Variants in TBCA observed in about 807,000 individuals in gnomAD.
TBCA encodes tubulin-specific chaperone A.
TBCA carries 6 observed loss-of-function variants against 15.8 expected under a neutral mutation model. The observed-to-expected ratio is 0.38, with a 90% CI of 0.21 to 0.75. The LOEUF (loss-of-function observed/expected upper bound fraction) is 0.75, where lower values mean the gene tolerates loss of function less well. Ranked by LOEUF, TBCA falls within the 30% of genes least tolerant of loss-of-function variation. The pLI is 0.46. For synonymous variants in TBCA, 32 were observed against 42.3 expected (o/e 0.76, Z 0.94); for missense variants, 90 against 131.2 (o/e 0.69, Z 1.53).
chr5:77,768,225 G>C (rs1011029552), intron 1 of TBCA, among the ~76,000 whole-genome samples: 1 of 152,136 alleles, frequency 6.6e-6, no homozygotes, highest in South Asian at 2.1e-4. Flanking sequence ...ATAATAATGA[G>C]AGCAGTTAGC....
At chr5:77,698,083 G>A (rs1009961790) in intron 2 of TBCA, among the ~76,000 whole-genome samples, 3 of 151,406 alleles carry the variant, frequency 2.0e-5, no homozygotes, top group African/African-American at 7.3e-5. Context: ...TCACACCACT[G>A]CACTCCAGCC....
At chr5:77,707,955 C>G (rs1746186631) in intron 2 of TBCA, among the ~76,000 whole-genome samples, 1 of 152,004 alleles carries the variant, frequency 6.6e-6, no homozygotes, top group African/African-American at 2.4e-5. Flanking sequence ...GAGGTCAAGG[C>G]TGCAATGAGC....
rs1748030746 is a variant in TBCA at position 77,776,325 on chromosome 5, G to C, written c.-68C>G. 2.0e-6 allele frequency: 3 copies of C among 1,538,044 alleles called. No homozygotes were observed. The highest frequency in any genetic ancestry group is 2.6e-6 in the Non-Finnish European group (3 of 1,137,266). On this transcript the variant is annotated 5_prime_UTR_variant, in exon 1 of 4. Coordinates refer to ENST00000380377, the MANE Select transcript of TBCA (RefSeq NM_004607.3). Reference sequence around the variant, plus strand: ...TAACCGTGGAGGGCGACGCGCAGAGGCTGCGGCTATTTAGGCGTGGTCGCC... The same window carrying C: ...TAACCGTGGAGGGCGACGCGCAGAGCCTGCGGCTATTTAGGCGTGGTCGCC...
intron 1 of TBCA, among the ~76,000 whole-genome samples, chr5:77,734,751 T>C (rs1746857837): frequency 6.6e-6 from 1 of 152,214 alleles, no homozygotes; most frequent in Non-Finnish European, 1.5e-5. Flanking sequence ...AGTAAAAGGT[T>C]ATCAAACAGC....
intron 2 of TBCA, chr5:77,694,148 C>G (rs1467367323): frequency 6.6e-6 from 1 of 152,136 alleles, no homozygotes; most frequent in South Asian, 2.1e-4. Flanking sequence ...GTGCACACTG[C>G]AGGAGGTTCA....
chr5:77,703,710 G>C (rs1298994292), intron 2 of TBCA, among the ~76,000 whole-genome samples: 1 of 152,060 alleles, frequency 6.6e-6, no homozygotes, highest in Non-Finnish European at 1.5e-5. Context: ...CCAGGTGGCT[G>C]GGACTTTTGG....
chr5:77,735,630 G>T (rs958483972), intron 1 of TBCA, among the ~76,000 whole-genome samples: 1 of 151,966 alleles, frequency 6.6e-6, no homozygotes, highest in African/African-American at 2.4e-5. Context: ...CCTAAAATAG[G>T]ATTAATCATT....
At chr5:77,739,618 T>C (rs1746987443) in intron 1 of TBCA, among the ~76,000 whole-genome samples, 2 of 152,202 alleles carry the variant, frequency 1.3e-5, no homozygotes, top group South Asian at 2.1e-4. Flanking sequence ...TGTTCCTCCA[T>C]ATAACAGCTA....
intron 1 of TBCA, among the ~76,000 whole-genome samples, chr5:77,772,058 G>A (rs890908252): frequency 1.3e-5 from 2 of 150,804 alleles, no homozygotes; most frequent in African/African-American, 4.9e-5. Flanking sequence ...AAATAGTGTC[G>A]AGGATAGGTT....
chr5:77,731,445 T>C (rs1746766902), intron 1 of TBCA, among the ~76,000 whole-genome samples: 1 of 152,192 alleles, frequency 6.6e-6, no homozygotes, highest in Non-Finnish European at 1.5e-5. Flanking sequence ...AATTGTCTAA[T>C]ACCTATGAAG....
At chr5:77,691,887 C>T (rs3776921) in intron 3 of TBCA, 89,323 of 991,642 alleles carry the variant, frequency 0.09, 4,923 homozygotes, top group East Asian at 0.35. Flanking sequence ...GCATTCAGGC[C>T]AAAATAATCC....
At chr5:77,753,031 A>T (rs190292433) in intron 1 of TBCA, among the ~76,000 whole-genome samples, 4 of 152,248 alleles carry the variant, frequency 2.6e-5, no homozygotes, top group Non-Finnish European at 5.9e-5. Context: ...TTAAAAAAAA[A>T]TTACATTTTC....
intron 1 of TBCA, among the ~76,000 whole-genome samples, chr5:77,736,997 A>C (rs1382193276): frequency 6.6e-6 from 1 of 152,224 alleles, no homozygotes; most frequent in African/African-American, 2.4e-5. Flanking sequence ...ATATGTATAC[A>C]TTGTTTCTGG....
intron 1 of TBCA, among the ~76,000 whole-genome samples, chr5:77,775,736 T>C (rs1379852358): frequency 6.6e-6 from 1 of 152,130 alleles, no homozygotes; most frequent in Non-Finnish European, 1.5e-5. Context: ...TCCACTACGG[T>C]CTTTTTTGAC....
At chr5:77,702,805 A>T (rs1246247052) in intron 2 of TBCA, among the ~76,000 whole-genome samples, 1 of 152,256 alleles carries the variant, frequency 6.6e-6, no homozygotes, top group Non-Finnish European at 1.5e-5. Flanking sequence ...CAAGAAATTT[A>T]AAAAGCAAGT....
chr5:77,758,605 C>T (rs937725598), intron 1 of TBCA, among the ~76,000 whole-genome samples: 28 of 152,308 alleles, frequency 1.8e-4, no homozygotes, highest in Admixed American at 7.2e-4. Context: ...GTCCACGGCT[C>T]GTCCTGCTAC....
chr5:77,698,128 A>T (rs1419845387), intron 2 of TBCA, among the ~76,000 whole-genome samples: 1 of 151,610 alleles, frequency 6.6e-6, no homozygotes, highest in Non-Finnish European at 1.5e-5. Flanking sequence ...TCAAAAAAAT[A>T]GTAATAAAAT....
chr5:77,701,682 CAT>C (rs58679612), intron 2 of TBCA, among the ~76,000 whole-genome samples: 5,546 of 50,412 alleles, frequency 0.11, 153 homozygotes, highest in Non-Finnish European at 0.12. Context: ...CTGTGGCATG[CAT>C]ATATATATAT....
chr5:77,731,813 C>G (rs1746777922), intron 1 of TBCA, among the ~76,000 whole-genome samples: 1 of 151,880 alleles, frequency 6.6e-6, no homozygotes, highest in Non-Finnish European at 1.5e-5. Context: ...TAAGGACTTT[C>G]CAAAAAATAA....
Sources: allele counts gnomAD v4.1 joint callset (sites outside exome capture counted in the v4.1 genomes callset), GRCh38; gene constraint gnomAD v4.1.1; transcripts MANE v1.5; gene names NCBI Gene and HGNC (gene_info 2026-07-23, HGNC 2026-07-21).